RAB10: variants seen among roughly 807,000 people sequenced by gnomAD.
The protein encoded by RAB10 is RAB10, member RAS oncogene family.
A neutral mutation model predicts 25.7 loss-of-function variants in RAB10; 5 were observed. That is an observed-to-expected ratio of 0.19 (90% CI 0.10 to 0.41). RAB10 has a LOEUF of 0.41. Among genes scored for constraint, RAB10 ranks in the 10% least tolerant of loss-of-function variants. The pLI is 1.00. For synonymous variants in RAB10, 89 were observed against 86.4 expected, an observed-to-expected ratio of 1.03 and a Z score of -0.16; for missense variants, 103 against 245.8, an observed-to-expected ratio of 0.42 and a Z score of 3.89.
At chr2:26,068,522 G>C (rs1271844044) in intron 1 of RAB10, among the ~76,000 whole-genome samples, 1 of 152,090 alleles carries the variant, frequency 6.6e-6, no homozygotes, top group Non-Finnish European at 1.5e-5. Flanking sequence ...GAAAATACCT[G>C]TCAGTGACTG....
intron 1 of RAB10, among the ~76,000 whole-genome samples, chr2:26,044,138 T>C (rs1665946175): frequency 6.6e-6 from 1 of 152,170 alleles, no homozygotes; most frequent in African/African-American, 2.4e-5. Context: ...AGATGGCAAA[T>C]TTAATGTTAT....
chr2:26,093,874 C>A (rs532544643), intron 1 of RAB10, among the ~76,000 whole-genome samples: 2 of 152,178 alleles, frequency 1.3e-5, no homozygotes, highest in East Asian at 3.9e-4. Flanking sequence ...AAATTTACTA[C>A]CTTGTTTTTG....
In RAB10 at chr2:26,079,324, A is replaced by AACACAC. The variant is rs34334774; in HGVS notation, c.128-19313_128-19308dup. On this transcript the variant is annotated intron_variant, in intron 1 of 5. Coordinates refer to ENST00000264710, the MANE Select transcript of RAB10 (RefSeq NM_016131.5). ...AGCAAGTTTGAAACACACACACACA[A>AACACAC]ACACACACACACACACACACACACA... Among the ~76,000 whole-genome samples, 28 of 92,650 alleles carry AACACAC rather than the reference A, an allele frequency of 3.0e-4. 1 individual carries two copies. Among genetic ancestry groups the AACACAC allele is most frequent in the African/African-American group, 6.8e-4 (17 of 25,038 alleles). 60.8% of individuals were successfully genotyped at this position (92,650 alleles called of 152,430 possible).
rs574393875 is a variant in RAB10 at position 26,111,534 on chromosome 2, G to T, written c.327+1628G>T. ...CAGGAGAATCGCTTGAACCCAGGGGGTGGAGGTTGCAGTGAGCTGAGATCA... is the reference window on the plus strand; with the variant it reads ...CAGGAGAATCGCTTGAACCCAGGGGTTGGAGGTTGCAGTGAGCTGAGATCA... On this transcript the variant is annotated intron_variant, in intron 3 of 5. Coordinates refer to ENST00000264710, the MANE Select transcript of RAB10 (RefSeq NM_016131.5). Among the ~76,000 whole-genome samples the T allele has an allele frequency of 1.4e-4, 21 of 151,866 alleles. No individual in the cohort carries two copies. In the South Asian group the frequency reaches 3.9e-3, roughly 29 times the overall value.
rs116086592 is a variant in RAB10 at position 26,073,911 on chromosome 2, A to G, written c.128-24751A>G. On this transcript the variant is annotated intron_variant, in intron 1 of 5. Coordinates refer to ENST00000264710, the MANE Select transcript of RAB10 (RefSeq NM_016131.5). ...TCAATATAAATAAAGGGAGATTACA[A>G]TGGGTACATTGATTACAGTTTAGAG... Among the ~76,000 whole-genome samples the G allele has an allele frequency of 9.5e-3, 1,443 of 152,328 alleles. 30 individuals carry two copies. The highest frequency in any genetic ancestry group is 0.033 in the African/African-American group (1,367 of 41,572).
At position 26,061,366 on chromosome 2, in the gene RAB10, C is replaced by A. The variant is rs11891886; in HGVS notation, c.127+26631C>A. On this transcript the variant is annotated intron_variant, in intron 1 of 5. Transcript: ENST00000264710. ...TCCTGAGCTCAATTGATTTGCCCAC[C>A]TGTGCCTCCCAAAGTGCTGGGATTA... Among the ~76,000 whole-genome samples the A allele has an allele frequency of 5.9e-5, 9 of 151,974 alleles. 1 individual carries two copies. The highest frequency in any genetic ancestry group is 2.2e-4 in the African/African-American group (9 of 41,446).
chr2:26,089,287 A>G (rs1667054264), intron 1 of RAB10, among the ~76,000 whole-genome samples: 1 of 151,860 alleles, frequency 6.6e-6, no homozygotes, highest in South Asian at 2.1e-4. Flanking sequence ...GCCGGGCATG[A>G]TGGTGGGTGC....
At chr2:26,098,109 CTTTTTTTTTTTTTTTTTTTTT>C (rs57174956) in intron 1 of RAB10, among the ~76,000 whole-genome samples, 3 of 52,724 alleles carry the variant, frequency 5.7e-5, no homozygotes, top group Non-Finnish European at 9.9e-5. Flanking sequence ...TTCTTTCTTT[CTTTTTTTTTTTTTTTTTTTTT>C]TTTTTTTGAG....
intron 2 of RAB10, among the ~76,000 whole-genome samples, chr2:26,109,109 A>G (rs142725026): frequency 0.028 from 4,314 of 151,824 alleles, 197 homozygotes; most frequent in African/African-American, 0.1. Flanking sequence ...ATGGGGTTTC[A>G]CCATGTTGGC....
intron 1 of RAB10, among the ~76,000 whole-genome samples, chr2:26,054,600 A>G (rs1017561670): frequency 1.3e-5 from 2 of 152,210 alleles, no homozygotes; most frequent in Non-Finnish European, 2.9e-5. Flanking sequence ...GGTAAATATA[A>G]TATCAGAATA....
intron 1 of RAB10, among the ~76,000 whole-genome samples, chr2:26,068,851 T>C (rs1334719082): frequency 1.3e-5 from 2 of 152,312 alleles, no homozygotes; most frequent in Admixed American, 6.5e-5. Context: ...ACCTCTTCTG[T>C]AGAAGTCAGA....
At chr2:26,124,109 G>A (rs1054298267) in intron 3 of RAB10, among the ~76,000 whole-genome samples, 1 of 151,620 alleles carries the variant, frequency 6.6e-6, no homozygotes, top group African/African-American at 2.4e-5. Flanking sequence ...TAACTTTATG[G>A]TAAGAATACA....
intron 3 of RAB10, among the ~76,000 whole-genome samples, chr2:26,124,270 T>G (rs2149288648): frequency 6.6e-6 from 1 of 152,128 alleles, no homozygotes; most frequent in African/African-American, 2.4e-5. Flanking sequence ...TGTATGTTGT[T>G]TTAAATCAGC....
At chr2:26,046,599 T>C (rs1180304270) in intron 1 of RAB10, among the ~76,000 whole-genome samples, 1 of 152,102 alleles carries the variant, frequency 6.6e-6, no homozygotes, top group African/African-American at 2.4e-5. Flanking sequence ...AAAAAATTAA[T>C]AGAGATGGGG....
chr2:26,107,992 A>G (rs1667500880), intron 2 of RAB10, among the ~76,000 whole-genome samples: 1 of 152,228 alleles, frequency 6.6e-6, no homozygotes, highest in South Asian at 2.1e-4. Flanking sequence ...AACTACAGAA[A>G]TAAAAAAGTG....
intron 5 of RAB10, among the ~76,000 whole-genome samples, chr2:26,134,315 G>C (rs1361317076): frequency 6.6e-6 from 1 of 152,116 alleles, no homozygotes; most frequent in African/African-American, 2.4e-5. Context: ...TGGGGGTCTT[G>C]CTGTGTTGCC....
At chr2:26,058,240 G>A (rs572684669) in intron 1 of RAB10, among the ~76,000 whole-genome samples, 1 of 152,164 alleles carries the variant, frequency 6.6e-6, no homozygotes, top group South Asian at 2.1e-4. Context: ...TTCTTAGCTG[G>A]CCTCCTTGCT....
chr2:26,124,683 G>A (rs1181554419), intron 3 of RAB10, among the ~76,000 whole-genome samples: 4 of 151,930 alleles, frequency 2.6e-5, no homozygotes, highest in Non-Finnish European at 5.9e-5. Flanking sequence ...CTACTGTTGT[G>A]CAACCGTCAC....
intron 1 of RAB10, among the ~76,000 whole-genome samples, chr2:26,057,059 G>A (rs1666282191): frequency 6.6e-6 from 1 of 152,178 alleles, no homozygotes; most frequent in Admixed American, 6.5e-5. Flanking sequence ...GGGCCAATTG[G>A]TGCCATTAAC....
Sources: gnomAD v4.1 joint callset for allele counts (sites outside exome capture counted in the v4.1 genomes callset) on GRCh38, gnomAD v4.1.1 for gene constraint, MANE v1.5 for transcripts, NCBI Gene and HGNC (gene_info 2026-07-23, HGNC 2026-07-21) for gene names.